Variants in CNTNAP2 observed in about 807,000 individuals in gnomAD.
CNTNAP2 encodes the protein contactin-associated protein-like 2.
CNTNAP2 carries 98 observed loss-of-function variants against 155.2 expected under a neutral mutation model. The ratio of observed to expected loss-of-function variants is 0.63; its 90% confidence interval spans 0.54 to 0.75. CNTNAP2 has a LOEUF of 0.75. Among genes scored for constraint, CNTNAP2 ranks in the 30% least tolerant of loss-of-function variants. The pLI is 0.00. For synonymous variants in CNTNAP2, 651 were observed against 631.2 expected (o/e 1.03, Z -0.47); for missense variants, 1,727 against 1,688.1 (o/e 1.02, Z -0.40).
chr7:146,159,073 T>C (rs965862505), intron 1 of CNTNAP2, among the ~76,000 whole-genome samples: 4 of 151,876 alleles, frequency 2.6e-5, no homozygotes, highest in African/African-American at 9.7e-5. Context: ...CAGAAGGGAG[T>C]GGGGGCCAGT....
chr7:148,027,646 A>G (rs1435900189), intron 15 of CNTNAP2, among the ~76,000 whole-genome samples: 2 of 152,240 alleles, frequency 1.3e-5, no homozygotes, highest in East Asian at 1.9e-4. Flanking sequence ...ACACAAGAGA[A>G]TCTGTACTTT....
At chr7:146,380,861 A>G (rs1395090772) in intron 1 of CNTNAP2, among the ~76,000 whole-genome samples, 2 of 123,944 alleles carry the variant, frequency 1.6e-5, no homozygotes, top group Non-Finnish European at 3.1e-5. Context: ...GCAGTGGCGC[A>G]ATCTCGGCTC....
At chr7:147,723,498 C>T (rs1016027097) in intron 13 of CNTNAP2, among the ~76,000 whole-genome samples, 1 of 151,812 alleles carries the variant, frequency 6.6e-6, no homozygotes, top group African/African-American at 2.4e-5. Flanking sequence ...TTCATCGGGA[C>T]ATTGGTAAGG....
intron 3 of CNTNAP2, among the ~76,000 whole-genome samples, chr7:146,853,107 C>T (rs550725309): frequency 1.2e-4 from 18 of 152,252 alleles, no homozygotes; most frequent in African/African-American, 4.1e-4. Context: ...ACAAAAGAAA[C>T]GTCCAGTCCC....
chr7:146,665,819 T>C (rs1444089398), intron 1 of CNTNAP2, among the ~76,000 whole-genome samples: 1 of 136,210 alleles, frequency 7.3e-6, no homozygotes, highest in Non-Finnish European at 1.5e-5. Context: ...AACTGATTTC[T>C]ATTTTTAATT....
chr7:146,557,512 GTAAAAT>G (rs1798214908), intron 1 of CNTNAP2, among the ~76,000 whole-genome samples: 1 of 151,952 alleles, frequency 6.6e-6, no homozygotes, highest in Non-Finnish European at 1.5e-5. Context: ...AACTTCTTTG[GTAAAAT>G]GTATAGAATT....
chr7:148,060,055 T>A (rs1195119364), intron 15 of CNTNAP2, among the ~76,000 whole-genome samples: 1 of 152,138 alleles, frequency 6.6e-6, no homozygotes, highest in African/African-American at 2.4e-5. Context: ...ACTTCTAAGC[T>A]GTACCACACA....
chr7:146,515,212 T>C (rs550805581), intron 1 of CNTNAP2, among the ~76,000 whole-genome samples: 1 of 152,152 alleles, frequency 6.6e-6, no homozygotes, highest in East Asian at 1.9e-4. Flanking sequence ...TTTCTTTTTT[T>C]CCTCCTACAG....
intron 1 of CNTNAP2, among the ~76,000 whole-genome samples, chr7:146,344,973 A>C (rs1311170923): frequency 6.6e-6 from 1 of 152,208 alleles, no homozygotes; most frequent in African/African-American, 2.4e-5. Context: ...TCTGGAGAAT[A>C]ATATGAAATG....
At chr7:148,311,602 T>C (rs1315517150) in intron 21 of CNTNAP2, among the ~76,000 whole-genome samples, 3 of 151,926 alleles carry the variant, frequency 2.0e-5, no homozygotes, top group Admixed American at 1.3e-4. Flanking sequence ...TCGAGCTTGA[T>C]GTGTAGGGAA....
At chr7:146,525,570 A>ATCTATCTATCTATCTATCTC (rs1472924221) in intron 1 of CNTNAP2, among the ~76,000 whole-genome samples, 301 of 140,184 alleles carry the variant, frequency 2.1e-3, no homozygotes, top group African/African-American at 9.1e-3. Flanking sequence ...CTATCTATCT[A>ATCTATCTATCTATCTATCTC]TCTATCTCTC....
chr7:146,237,634 T>C (rs540979332), intron 1 of CNTNAP2, among the ~76,000 whole-genome samples: 2 of 151,916 alleles, frequency 1.3e-5, no homozygotes, highest in African/African-American at 4.8e-5. Flanking sequence ...AAATTTCTGA[T>C]ATGAAATACA....
intron 17 of CNTNAP2, among the ~76,000 whole-genome samples, chr7:148,163,135 C>A (rs1805582232): frequency 6.6e-6 from 1 of 152,146 alleles, no homozygotes; most frequent in Non-Finnish European, 1.5e-5. Context: ...GAAGAAAGTG[C>A]CTTATATGAT....
chr7:147,742,214 A>G (rs1338340845), intron 13 of CNTNAP2, among the ~76,000 whole-genome samples: 4 of 152,222 alleles, frequency 2.6e-5, no homozygotes, highest in African/African-American at 4.8e-5. Context: ...CAGCCAAACC[A>G]TATCAATGGC....
At chr7:148,141,142 T>C (rs1265028797) in intron 16 of CNTNAP2, among the ~76,000 whole-genome samples, 1 of 152,246 alleles carries the variant, frequency 6.6e-6, no homozygotes, top group African/African-American at 2.4e-5. Context: ...TTAAGCATTT[T>C]CCTTTAGCAG....
chr7:148,022,103 C>T (rs1333024343), intron 15 of CNTNAP2, among the ~76,000 whole-genome samples: 2 of 152,092 alleles, frequency 1.3e-5, no homozygotes, highest in Non-Finnish European at 2.9e-5. Context: ...AAAGCCTCTG[C>T]CCCAACCTGA....
At chr7:148,306,131 A>G (rs1361907912) in intron 21 of CNTNAP2, among the ~76,000 whole-genome samples, 2 of 152,208 alleles carry the variant, frequency 1.3e-5, no homozygotes, top group Non-Finnish European at 2.9e-5. Flanking sequence ...TTCCCTTCAC[A>G]AGTTTGAAGG....
intron 17 of CNTNAP2, among the ~76,000 whole-genome samples, chr7:148,165,826 G>A (rs1044481093): frequency 1.3e-5 from 2 of 152,144 alleles, no homozygotes; most frequent in African/African-American, 4.8e-5. Flanking sequence ...TAACCTGCAG[G>A]CAAGAAGCAC....
At chr7:147,886,469 C>T (rs1020815873) in intron 13 of CNTNAP2, among the ~76,000 whole-genome samples, 1 of 96,016 alleles carries the variant, frequency 1.0e-5, no homozygotes, top group Admixed American at 1.3e-4. Flanking sequence ...GAGGGAAACT[C>T]CATCTCAAAA....
Sources: gnomAD v4.1 joint callset for allele counts (sites outside exome capture counted in the v4.1 genomes callset) on GRCh38, gnomAD v4.1.1 for gene constraint, MANE v1.5 for transcripts, NCBI Gene and HGNC (gene_info 2026-07-23, HGNC 2026-07-21) for gene names.